The following PRKG1 variants were observed in gnomAD, a reference collection of about 807,000 sequenced individuals.
The protein encoded by PRKG1 is protein kinase cGMP-dependent 1, also known as cGMP-dependent protein kinase 1.
A neutral mutation model predicts 88.1 loss-of-function variants in PRKG1; 35 were observed. That is an observed-to-expected ratio of 0.40 (90% CI 0.30 to 0.53). The LOEUF is 0.53. PRKG1 is among the 20% of genes least tolerant of loss of function. PRKG1 has a pLI of 0.59. For synonymous variants in PRKG1, 303 were observed against 292.5 expected (o/e 1.04, Z -0.37); for missense variants, 540 against 839.8 (o/e 0.64, Z 4.41).
chr10:51,745,671 G>A (rs1188997621), intron 3 of PRKG1, among the ~76,000 whole-genome samples: 2 of 152,212 alleles, frequency 1.3e-5, no homozygotes, highest in East Asian at 1.9e-4. Context: ...TGAGAAGGAA[G>A]GAATGCAAGT....
intron 7 of PRKG1, among the ~76,000 whole-genome samples, chr10:52,070,399 G>A (rs760097865): frequency 1.3e-5 from 2 of 152,134 alleles, no homozygotes; most frequent in African/African-American, 4.8e-5. Context: ...TAGGTAAACT[G>A]TCTCTCTGGT....
intron 3 of PRKG1, among the ~76,000 whole-genome samples, chr10:51,605,061 G>T (rs1443189001): frequency 6.6e-6 from 1 of 152,152 alleles, no homozygotes; most frequent in Non-Finnish European, 1.5e-5. Flanking sequence ...GGAATGGGAA[G>T]GTGGTCCTCC....
intron 5 of PRKG1, among the ~76,000 whole-genome samples, chr10:51,993,004 G>C (rs1472279930): frequency 6.6e-6 from 1 of 152,090 alleles, no homozygotes; most frequent in Non-Finnish European, 1.5e-5. Context: ...CTTACTCACG[G>C]AAGGAGAGAA....
chr10:51,190,775 G>A (rs1837611186), intron 2 of PRKG1, among the ~76,000 whole-genome samples: 1 of 151,882 alleles, frequency 6.6e-6, no homozygotes, highest in South Asian at 2.1e-4. Context: ...ACAGTGAAGT[G>A]CAGAGCATGT....
chr10:51,313,252 T>G (rs952788056), intron 2 of PRKG1, among the ~76,000 whole-genome samples: 2 of 152,160 alleles, frequency 1.3e-5, no homozygotes, highest in African/African-American at 4.8e-5. Context: ...TGTGTCAGAT[T>G]GGCCCTATAA....
At chr10:51,088,899 T>G (rs1320416103) in intron 1 of PRKG1, among the ~76,000 whole-genome samples, 1 of 151,982 alleles carries the variant, frequency 6.6e-6, no homozygotes, top group Non-Finnish European at 1.5e-5. Flanking sequence ...ATTTACAGTT[T>G]AAACATTGGA....
chr10:52,188,314 ATATG>A lies in PRKG1; in HGVS notation c.1076+26355_1076+26358del, dbSNP rs1376220750. Among the ~76,000 whole-genome samples the A allele has an allele frequency of 8.7e-3, 1,066 of 121,892 alleles. 34 individuals are homozygous for A. Among genetic ancestry groups the A allele is most frequent in the African/African-American group, 0.035 (1,000 of 28,390 alleles). 80.0% of individuals were successfully genotyped at this position (121,892 alleles called of 152,430 possible). On this transcript the variant is annotated intron_variant, in intron 9 of 17. Transcript: ENST00000373980. Reference sequence around the variant, plus strand: ...TGTATATATATATGTATATATATACATATGTATATATATACACATATATATATAT... The same window carrying A: ...TGTATATATATATGTATATATATACATATATATATACACATATATATATAT...
intron 5 of PRKG1, among the ~76,000 whole-genome samples, chr10:52,035,495 C>T (rs1845584349): frequency 6.6e-6 from 1 of 152,086 alleles, no homozygotes; most frequent in South Asian, 2.1e-4. Flanking sequence ...GGTGATTAGG[C>T]CTGGTGGAAC....
chr10:52,097,426 G>T (rs552816245), intron 7 of PRKG1, among the ~76,000 whole-genome samples: 1 of 151,908 alleles, frequency 6.6e-6, no homozygotes, highest in Non-Finnish European at 1.5e-5. Flanking sequence ...ATTAATATAT[G>T]ATTTATTAAA....
intron 3 of PRKG1, among the ~76,000 whole-genome samples, chr10:51,563,859 T>G (rs1346846553): frequency 1.1e-4 from 17 of 152,108 alleles, no homozygotes; most frequent in Admixed American, 1.1e-3. Flanking sequence ...ATCAAAGACA[T>G]CATAATTTGC....
At chr10:51,844,441 A>C (rs554566019) in intron 4 of PRKG1, among the ~76,000 whole-genome samples, 1 of 152,270 alleles carries the variant, frequency 6.6e-6, no homozygotes, top group African/African-American at 2.4e-5. Flanking sequence ...CTAATGATAA[A>C]ATTTGTGGTT....
chr10:51,039,654 C>G (rs1465072761), intron 1 of PRKG1, among the ~76,000 whole-genome samples: 1 of 152,002 alleles, frequency 6.6e-6, no homozygotes, highest in East Asian at 1.9e-4. Flanking sequence ...GGGGGTACTA[C>G]TCAAGAAATC....
At chr10:52,279,877 A>T (rs937431686) in intron 12 of PRKG1, among the ~76,000 whole-genome samples, 1 of 152,270 alleles carries the variant, frequency 6.6e-6, no homozygotes, top group African/African-American at 2.4e-5. Context: ...AGAAAAAAAA[A>T]GTACATGGTT....
chr10:52,162,003 T>C lies in PRKG1; in HGVS notation c.1076+40T>C. On this transcript the variant is annotated intron_variant, in intron 9 of 17. Coordinates refer to ENST00000373980, the MANE Select transcript of PRKG1 (RefSeq NM_006258.4). ...TCCTTAATTTTGATTGCAAAATGAT[T>C]TTGAATAGAAATAAGATCAAATATT... The C allele has an allele frequency of 2.0e-6, 3 of 1,525,538 alleles. No homozygotes were observed. The South Asian group carries it at 3.4e-5, about 17-fold the overall frequency. The allele number at this position is 1,525,538 out of a possible 1,614,324, so 94.5% of individuals were successfully genotyped here.
chr10:51,999,499 A>T (rs762445252), intron 5 of PRKG1, among the ~76,000 whole-genome samples: 1 of 152,150 alleles, frequency 6.6e-6, no homozygotes, highest in Non-Finnish European at 1.5e-5. Flanking sequence ...ATATACTTTC[A>T]TTGTTATTAC....
chr10:51,462,984 C>T (rs574432934), intron 2 of PRKG1, among the ~76,000 whole-genome samples: 1 of 152,082 alleles, frequency 6.6e-6, no homozygotes, highest in Non-Finnish European at 1.5e-5. Flanking sequence ...TTTGGGTTAT[C>T]ATTTGTTCCC....
intron 14 of PRKG1, among the ~76,000 whole-genome samples, chr10:52,282,723 T>A (rs1842027189): frequency 6.6e-6 from 1 of 152,142 alleles, no homozygotes. Flanking sequence ...AGGTGACTGC[T>A]TTGTACATCT....
chr10:51,287,132 C>T (rs1309064831), intron 2 of PRKG1, among the ~76,000 whole-genome samples: 1 of 152,190 alleles, frequency 6.6e-6, no homozygotes, highest in Non-Finnish European at 1.5e-5. Context: ...CTACCTTGGA[C>T]TCCCAAAGTG....
At chr10:51,305,237 A>G (rs7100331) in intron 2 of PRKG1, among the ~76,000 whole-genome samples, 7,818 of 152,204 alleles carry the variant, frequency 0.051, 264 homozygotes, top group East Asian at 0.16. Context: ...TCAGAGCACA[A>G]TGGCACTCTT....
Sources: gnomAD v4.1 joint callset for allele counts (sites outside exome capture counted in the v4.1 genomes callset) on GRCh38, gnomAD v4.1.1 for gene constraint, MANE v1.5 for transcripts, NCBI Gene and HGNC (gene_info 2026-07-23, HGNC 2026-07-21) for gene names.